TMEM163: variants seen among roughly 807,000 people sequenced by gnomAD.
TMEM163 encodes transmembrane protein 163.
TMEM163 carries 17 observed loss-of-function variants against 29.3 expected under a neutral mutation model. The observed-to-expected ratio is 0.58, with a 90% CI of 0.40 to 0.87. The LOEUF (loss-of-function observed/expected upper bound fraction) is 0.87, where lower values mean the gene tolerates loss of function less well. Among genes scored for constraint, TMEM163 ranks in the 40% least tolerant of loss-of-function variants. TMEM163 has a pLI of 0.00. For synonymous variants in TMEM163, 157 were observed against 160.6 expected (o/e 0.98, Z 0.17); for missense variants, 303 against 381.5 (o/e 0.79, Z 1.71).
In TMEM163 at chr2:134,710,783, G is replaced by A. The variant is rs527466143; in HGVS notation, c.322+2417C>T. Among the ~76,000 whole-genome samples the A allele has an allele frequency of 3.7e-4, 56 of 151,942 alleles. No individual in the cohort carries two copies. In the South Asian group the frequency reaches 8.8e-3, roughly 24 times the overall value. ...AGAAGCCATGTCCATAAATACAGTC[G>A]CTTTCTCTTCATCATGATTAACACC... On this transcript the variant is annotated intron_variant, in intron 2 of 7. Coordinates refer to ENST00000281924, the MANE Select transcript of TMEM163 (RefSeq NM_030923.5).
intron 4 of TMEM163, among the ~76,000 whole-genome samples, chr2:134,540,641 G>A (rs2106503125): frequency 6.6e-6 from 1 of 152,318 alleles, no homozygotes; most frequent in Non-Finnish European, 1.5e-5. Flanking sequence ...AAATTTCAGA[G>A]CAAGCAAGGC....
At chr2:134,604,412 G>A (rs1574273846) in intron 2 of TMEM163, among the ~76,000 whole-genome samples, 2 of 148,896 alleles carry the variant, frequency 1.3e-5, no homozygotes, top group Middle Eastern at 6.8e-3. Context: ...TTGAGAACTT[G>A]AGCCATAACC....
chr2:134,457,949 T>C (rs1266229989), intron 7 of TMEM163, 83 bp downstream of exon 7: 27 of 1,591,384 alleles, frequency 1.7e-5, no homozygotes, highest in Non-Finnish European at 2.3e-5. Context: ...TTCAGAAGCC[T>C]GTCATTTCCT....
At chr2:134,632,902 C>T (rs1683000951) in intron 2 of TMEM163, among the ~76,000 whole-genome samples, 1 of 150,962 alleles carries the variant, frequency 6.6e-6, no homozygotes, top group Non-Finnish European at 1.5e-5. Flanking sequence ...GCCACCACAC[C>T]CAGCTAATTT....
At chr2:134,658,234 G>A (rs1476427764) in intron 2 of TMEM163, among the ~76,000 whole-genome samples, 2 of 152,106 alleles carry the variant, frequency 1.3e-5, no homozygotes, top group Non-Finnish European at 2.9e-5. Context: ...CAGAAAGAAT[G>A]CAGCTAGGAA....
chr2:134,458,840 T>A (rs1378576980), intron 6 of TMEM163: 1 of 152,186 alleles, frequency 6.6e-6, no homozygotes, highest in Non-Finnish European at 1.5e-5. Flanking sequence ...TATGCTAAGT[T>A]TTTTGCAAAG....
chr2:134,551,692 C>T (rs1363786633), intron 3 of TMEM163, among the ~76,000 whole-genome samples: 1 of 152,162 alleles, frequency 6.6e-6, no homozygotes, highest in Admixed American at 6.5e-5. Flanking sequence ...CAAGTAGCCC[C>T]GATCTTCACT....
chr2:134,693,880 T>C (rs1445506528), intron 2 of TMEM163, among the ~76,000 whole-genome samples: 2 of 152,086 alleles, frequency 1.3e-5, no homozygotes, highest in Non-Finnish European at 2.9e-5. Flanking sequence ...GGATGTTCAG[T>C]CTTTGGAAGA....
chr2:134,641,644 TA>T (rs1683221990), intron 2 of TMEM163, among the ~76,000 whole-genome samples: 1 of 151,906 alleles, frequency 6.6e-6, no homozygotes, highest in African/African-American at 2.4e-5. Flanking sequence ...AATGGAACGC[TA>T]AAACACGTTC....
intron 2 of TMEM163, among the ~76,000 whole-genome samples, chr2:134,674,724 T>C (rs1417458848): frequency 1.3e-5 from 2 of 152,082 alleles, no homozygotes; most frequent in Admixed American, 6.5e-5. Flanking sequence ...GAGAGGGTTC[T>C]CATGCTTGTC....
At chr2:134,660,211 G>A (rs55873124) in intron 2 of TMEM163, among the ~76,000 whole-genome samples, 16,306 of 152,112 alleles carry the variant, frequency 0.11, 1,065 homozygotes, top group African/African-American at 0.17. Context: ...CAAGTGCAAT[G>A]GAGAAACACC....
chr2:134,639,446 T>C (rs1657662681), intron 2 of TMEM163, among the ~76,000 whole-genome samples: 2 of 152,356 alleles, frequency 1.3e-5, no homozygotes, highest in Admixed American at 1.3e-4. Context: ...TCTCTTTTAT[T>C]TGTGGTTTCT....
chr2:134,480,683 G>A (rs1452534718), intron 5 of TMEM163, among the ~76,000 whole-genome samples: 3 of 152,086 alleles, frequency 2.0e-5, no homozygotes, highest in East Asian at 3.9e-4. Context: ...ACTGAAGAAC[G>A]GGAGCCGTGG....
At chr2:134,665,885 T>G (rs982457382) in intron 2 of TMEM163, among the ~76,000 whole-genome samples, 10 of 152,110 alleles carry the variant, frequency 6.6e-5, no homozygotes, top group African/African-American at 2.2e-4. Context: ...TGTGGCAAGC[T>G]CTCACCAAAC....
chr2:134,682,587 C>T lies in TMEM163; in HGVS notation c.322+30613G>A, dbSNP rs543997038. Among the ~76,000 whole-genome samples the T allele has an allele frequency of 6.6e-5, 10 of 152,290 alleles. No individual in the cohort carries two copies. In the East Asian group the frequency reaches 1.2e-3, roughly 18 times the overall value. On this transcript the variant is annotated intron_variant, in intron 2 of 7. Coordinates refer to ENST00000281924, the MANE Select transcript of TMEM163 (RefSeq NM_030923.5). ...ACACTTACAAATATAATTAAAACAACGAGCTACCATAACACACCTATTAGA... is the reference window on the plus strand; with the variant it reads ...ACACTTACAAATATAATTAAAACAATGAGCTACCATAACACACCTATTAGA...
chr2:134,578,500 G>A (rs935632864), intron 2 of TMEM163, among the ~76,000 whole-genome samples: 7 of 152,168 alleles, frequency 4.6e-5, no homozygotes, highest in South Asian at 2.1e-4. Flanking sequence ...ATTTCCCATC[G>A]TGGTTAGCGT....
intron 2 of TMEM163, among the ~76,000 whole-genome samples, chr2:134,709,174 A>C (rs908270973): frequency 2.0e-5 from 3 of 152,216 alleles, no homozygotes; most frequent in Non-Finnish European, 4.4e-5. Flanking sequence ...TTATTAAAAC[A>C]GACTTTTTTT....
chr2:134,486,563 G>A (rs1303610641), intron 5 of TMEM163, among the ~76,000 whole-genome samples: 2 of 152,190 alleles, frequency 1.3e-5, no homozygotes, highest in Non-Finnish European at 1.5e-5. Flanking sequence ...TAAATTTGCT[G>A]TCGAAACAAA....
intron 2 of TMEM163, among the ~76,000 whole-genome samples, chr2:134,564,547 C>A (rs1390653588): frequency 6.6e-6 from 1 of 152,106 alleles, no homozygotes; most frequent in African/African-American, 2.4e-5. Context: ...ACATTAAAGA[C>A]CTCCTTCAAA....
Sources: allele counts gnomAD v4.1 joint callset (sites outside exome capture counted in the v4.1 genomes callset), GRCh38; gene constraint gnomAD v4.1.1; transcripts MANE v1.5; gene names NCBI Gene and HGNC (gene_info 2026-07-23, HGNC 2026-07-21).